The following QTMAN variants were observed in gnomAD, a reference collection of about 807,000 sequenced individuals.
The protein encoded by QTMAN is queuosine-tRNA mannosyltransferase.
chr2:144,105,385 T>C, the QTMAN span, among the ~76,000 whole-genome samples: 1 of 152,104 alleles, frequency 6.6e-6, no homozygotes, highest in South Asian at 2.1e-4. Flanking sequence ...CTAACTAGAA[T>C]AACCAGTGTA....
the QTMAN span, among the ~76,000 whole-genome samples, chr2:144,033,478 C>T: frequency 6.6e-6 from 1 of 152,172 alleles, no homozygotes; most frequent in African/African-American, 2.4e-5. Flanking sequence ...AGCATCTATG[C>T]CCTCTCCAGG....
At chr2:144,287,312 G>A in the QTMAN span, among the ~76,000 whole-genome samples, 1 of 152,078 alleles carries the variant, frequency 6.6e-6, no homozygotes, top group Admixed American at 6.6e-5. Context: ...GCGTGCGCCT[G>A]TAGTCCCAGC....
chr2:144,011,507 T>C, the QTMAN span, among the ~76,000 whole-genome samples: 2 of 152,160 alleles, frequency 1.3e-5, no homozygotes, highest in African/African-American at 4.8e-5. Context: ...CAAGATCAAA[T>C]AGGCATAATA....
chr2:143,947,327 G>A, the QTMAN span, among the ~76,000 whole-genome samples: 2 of 152,094 alleles, frequency 1.3e-5, no homozygotes, highest in East Asian at 1.9e-4. Flanking sequence ...CTAAAGTGTC[G>A]TTGTATTTCC....
the QTMAN span, among the ~76,000 whole-genome samples, chr2:144,183,015 G>T: frequency 6.9e-6 from 1 of 145,546 alleles, no homozygotes; most frequent in African/African-American, 2.5e-5. Context: ...TCTATAGAAG[G>T]TTTTCTTGTA....
the QTMAN span, among the ~76,000 whole-genome samples, chr2:144,180,860 G>T: frequency 1.3e-5 from 2 of 152,280 alleles, no homozygotes; most frequent in South Asian, 4.1e-4. Context: ...TCATTCAACA[G>T]AAAATAACAT....
chr2:144,008,068 C>T, the QTMAN span, among the ~76,000 whole-genome samples: 1 of 152,054 alleles, frequency 6.6e-6, no homozygotes, highest in South Asian at 2.1e-4. Context: ...CATTTCTCTC[C>T]TATCTTTCCA....
the QTMAN span, among the ~76,000 whole-genome samples, chr2:144,262,242 T>C: frequency 2.0e-5 from 3 of 152,130 alleles, no homozygotes; most frequent in Admixed American, 6.5e-5. Flanking sequence ...CAATGGAAGA[T>C]GGCTGCTGGA....
the QTMAN span, chr2:143,941,048 G>A: frequency 6.6e-6 from 1 of 152,316 alleles, no homozygotes; most frequent in East Asian, 1.9e-4. Flanking sequence ...AGAAAGAGAA[G>A]ACAAATGTTT....
the QTMAN span, among the ~76,000 whole-genome samples, chr2:144,043,238 T>A: frequency 6.6e-6 from 1 of 152,006 alleles, no homozygotes; most frequent in East Asian, 1.9e-4. Context: ...TGTGTGTGTG[T>A]GTGTGTGTGT....
chr2:144,102,493 C>A, the QTMAN span, among the ~76,000 whole-genome samples: 4 of 152,342 alleles, frequency 2.6e-5, no homozygotes, highest in Middle Eastern at 6.8e-3. Context: ...ACTCAAGTGA[C>A]TGTTCCAGGT....
the QTMAN span, among the ~76,000 whole-genome samples, chr2:144,049,241 G>A: frequency 6.6e-6 from 1 of 152,086 alleles, no homozygotes; most frequent in African/African-American, 2.4e-5. Flanking sequence ...ACATGCTGCT[G>A]TTTTCCTTGT....
the QTMAN span, among the ~76,000 whole-genome samples, chr2:144,107,403 TA>T: frequency 6.6e-6 from 1 of 151,684 alleles, no homozygotes; most frequent in Non-Finnish European, 1.5e-5. Flanking sequence ...ATAGACACAA[TA>T]AAAAATGATA....
At chr2:144,208,024 C>T in the QTMAN span, among the ~76,000 whole-genome samples, 1 of 151,998 alleles carries the variant, frequency 6.6e-6, no homozygotes, top group African/African-American at 2.4e-5. Flanking sequence ...TCATGAGACG[C>T]TTTCTAATAG....
the QTMAN span, among the ~76,000 whole-genome samples, chr2:144,187,407 G>A: frequency 2.0e-5 from 3 of 152,144 alleles, no homozygotes; most frequent in Non-Finnish European, 2.9e-5. Context: ...CCAGTCTTGC[G>A]AGAGCCAGAA....
At chr2:144,277,426 G>T in the QTMAN span, among the ~76,000 whole-genome samples, 1 of 152,112 alleles carries the variant, frequency 6.6e-6, no homozygotes, top group Admixed American at 6.5e-5. Flanking sequence ...TAGGTTTTAA[G>T]ATATCAATTC....
chr2:144,039,141 T>A, the QTMAN span, among the ~76,000 whole-genome samples: 2 of 152,212 alleles, frequency 1.3e-5, no homozygotes, highest in Non-Finnish European at 2.9e-5. Flanking sequence ...TTAAAAAAAA[T>A]TCTTCCCTTA....
chr2:144,272,746 C>T, the QTMAN span, among the ~76,000 whole-genome samples: 7 of 151,784 alleles, frequency 4.6e-5, no homozygotes, highest in Non-Finnish European at 8.8e-5. Context: ...TGCATGCATG[C>T]GTGTGTGTAT....
At chr2:144,284,323 C>T in the QTMAN span, among the ~76,000 whole-genome samples, 1 of 151,862 alleles carries the variant, frequency 6.6e-6, no homozygotes, top group Non-Finnish European at 1.5e-5. Context: ...AACATTATGT[C>T]TAGCAGAAAA....
Sources: gnomAD v4.1 joint callset for allele counts (sites outside exome capture counted in the v4.1 genomes callset) on GRCh38, gnomAD v4.1.1 for gene constraint, MANE v1.5 for transcripts, NCBI Gene and HGNC (gene_info 2026-07-23, HGNC 2026-07-21) for gene names.